STXBP3: variants seen among roughly 807,000 people sequenced by gnomAD.
The protein encoded by STXBP3 is syntaxin binding protein 3.
In STXBP3, 41 loss-of-function variants were observed where a neutral mutation model predicts 85.7. The observed-to-expected ratio is 0.48, with a 90% confidence interval of 0.37 to 0.62. The LOEUF (loss-of-function observed/expected upper bound fraction) is 0.62, where lower values mean the gene tolerates loss of function less well. STXBP3 is among the 20% of genes least tolerant of loss of function. The probability of loss-of-function intolerance (pLI) is 0.00; values close to 1 mark genes in which losing one functional copy is unlikely to be tolerated. For synonymous variants in STXBP3, 229 were observed against 231.7 expected (o/e 0.99, Z 0.10); for missense variants, 563 against 703.1 (o/e 0.80, Z 2.25).
intron 11 of STXBP3, among the ~76,000 whole-genome samples, chr1:108,785,241 A>C (rs916095355): frequency 1.3e-5 from 2 of 152,180 alleles, no homozygotes; most frequent in African/African-American, 4.8e-5. Context: ...CCCTGCAGCG[A>C]ACTCCGGCCT....
At chr1:108,753,282 TC>T (rs1661944670) in intron 3 of STXBP3, 138 bp downstream of exon 3, 8 of 520,042 alleles carry the variant, frequency 1.5e-5, no homozygotes, top group Non-Finnish European at 2.5e-5. Context: ...GATTTAACAT[TC>T]TTTTCTCTGA....
chr1:108,792,984 C>T (rs1045079445), intron 11 of STXBP3, among the ~76,000 whole-genome samples: 1 of 152,042 alleles, frequency 6.6e-6, no homozygotes, highest in Non-Finnish European at 1.5e-5. Flanking sequence ...CAACATTTAG[C>T]CACCCAGAAG....
intron 17 of STXBP3, among the ~76,000 whole-genome samples, chr1:108,806,438 T>C (rs1354961282): frequency 6.6e-6 from 1 of 152,148 alleles, no homozygotes; most frequent in Non-Finnish European, 1.5e-5. Flanking sequence ...ATGGTAAAAG[T>C]AATGACTACT....
chr1:108,795,991 G>A (rs1183724549), intron 13 of STXBP3, among the ~76,000 whole-genome samples: 3 of 151,986 alleles, frequency 2.0e-5, no homozygotes, highest in Non-Finnish European at 2.9e-5. Flanking sequence ...TCAGCCTCCC[G>A]AGTAGCTGGG....
chr1:108,787,766 T>C (rs545573587), intron 11 of STXBP3, among the ~76,000 whole-genome samples: 7 of 152,166 alleles, frequency 4.6e-5, no homozygotes, highest in African/African-American at 1.7e-4. Context: ...CAGGTTTTTA[T>C]GTGTTTCTGT....
chr1:108,802,311 C>T (rs1009542669), intron 17 of STXBP3, among the ~76,000 whole-genome samples: 4 of 152,120 alleles, frequency 2.6e-5, no homozygotes, highest in Non-Finnish European at 4.4e-5. Context: ...GCAGGAGAAT[C>T]GCTTGAACCT....
chr1:108,782,482 T>G lies in STXBP3; in HGVS notation c.870T>G (p.Val290=). 6.2e-7 allele frequency: 1 copy of G among 1,613,812 alleles called. No individual in the cohort carries two copies. Among genetic ancestry groups the G allele is most frequent in the South Asian group, 1.1e-5 (1 of 90,980 alleles). ...AILEEEDDLW[V]RIRHRHIAVV... ...TTGAAGAAGAAGATGACCTCTGGGT[T>G]AGAATTCGACATCGACATATTGCGG... The change falls in exon 10 of 19, where the codon GTT becomes GTG. Residue 290 remains valine (V), a synonymous_variant. Transcript: ENST00000370008.
At position 108,746,864 on chromosome 1, in the gene STXBP3, C is replaced by T. The variant is rs1045542939; in HGVS notation, c.49+78C>T. The T allele has an allele frequency of 2.1e-4, 313 of 1,481,040 alleles. 1 individual carries two copies. The highest frequency in any genetic ancestry group is 1.6e-3 in the Middle Eastern group (7 of 4,428). 91.7% of individuals were successfully genotyped at this position (1,481,040 alleles called of 1,614,324 possible). A position where few individuals can be genotyped will look rare whatever the true frequency, so the allele number is the denominator to read the frequency against. Reference sequence around the variant, plus strand: ...CCGGGCCTCGTTTTGCAGCCCCAACCCAGCGGTCTGTTGAGGAGCCGCCGC... The same window carrying T: ...CCGGGCCTCGTTTTGCAGCCCCAACTCAGCGGTCTGTTGAGGAGCCGCCGC... On this transcript the variant is annotated intron_variant, in intron 1 of 18. Coordinates refer to ENST00000370008, the MANE Select transcript of STXBP3 (RefSeq NM_007269.4).
intron 7 of STXBP3, among the ~76,000 whole-genome samples, chr1:108,773,189 T>A (rs1317902833): frequency 6.6e-6 from 1 of 152,206 alleles, no homozygotes; most frequent in Non-Finnish European, 1.5e-5. Context: ...TGTCAAAGTA[T>A]CTATAGTATC....
intron 11 of STXBP3, among the ~76,000 whole-genome samples, chr1:108,784,971 C>T (rs966806016): frequency 6.6e-6 from 1 of 152,182 alleles, no homozygotes; most frequent in Non-Finnish European, 1.5e-5. Context: ...TTCCCATGGC[C>T]CTAGGCAGCT....
chr1:108,770,038 C>G (rs1465723529), intron 6 of STXBP3, among the ~76,000 whole-genome samples: 1 of 152,070 alleles, frequency 6.6e-6, no homozygotes, highest in Non-Finnish European at 1.5e-5. Flanking sequence ...ATCTGTAATC[C>G]CAGGACTTTA....
chr1:108,803,797 T>G (rs1434982772), intron 17 of STXBP3, among the ~76,000 whole-genome samples: 1 of 152,222 alleles, frequency 6.6e-6, no homozygotes, highest in African/African-American at 2.4e-5. Context: ...GCGGTGGTAG[T>G]CTTTACAGTT....
intron 1 of STXBP3, among the ~76,000 whole-genome samples, chr1:108,746,994 C>T (rs1661798654): frequency 1.3e-5 from 2 of 152,182 alleles, no homozygotes; most frequent in Admixed American, 6.5e-5. Context: ...CGGGACGCGG[C>T]CTTCTCGTTG....
chr1:108,757,433 TTA>T (rs1365030373), intron 4 of STXBP3, among the ~76,000 whole-genome samples: 1 of 152,070 alleles, frequency 6.6e-6, no homozygotes, highest in Non-Finnish European at 1.5e-5. Flanking sequence ...TACACACTTT[TTA>T]GTCTCTACAT....
chr1:108,748,583 G>A (rs1029483669), intron 1 of STXBP3, among the ~76,000 whole-genome samples: 4 of 151,972 alleles, frequency 2.6e-5, no homozygotes, highest in African/African-American at 7.3e-5. Flanking sequence ...TGTAATTACA[G>A]CACTTTGGGA....
chr1:108,788,114 G>A (rs113767083), intron 11 of STXBP3, among the ~76,000 whole-genome samples: 3,898 of 152,088 alleles, frequency 0.026, 181 homozygotes, highest in African/African-American at 0.088. Context: ...CTTTTAATCA[G>A]GAAATTTCGA....
intron 13 of STXBP3, 36 bp downstream of exon 13, chr1:108,794,943 A>C (rs1663059503): frequency 1.3e-6 from 2 of 1,543,954 alleles, no homozygotes; most frequent in African/African-American, 2.7e-5. Context: ...TGTTCATAAC[A>C]AATTTCAAGG....
In STXBP3 at chr1:108,776,198, T is replaced by C. The variant is rs946143123; in HGVS notation, c.594-135T>C. 5 of 507,354 alleles carry C rather than the reference T, an allele frequency of 9.9e-6. No homozygotes were observed. In the South Asian group the frequency reaches 1.9e-4, roughly 19 times the overall value. 31.4% of individuals were successfully genotyped at this position (507,354 alleles called of 1,614,324 possible). A position where few individuals can be genotyped will look rare whatever the true frequency, so the allele number is the denominator to read the frequency against. The stretch of plus-strand genomic sequence containing the variant: ...TTATTTGATACATTATCTGAACTTT[T>C]ACATGTTTATAAAATAATTTTTCAT... On this transcript the variant is annotated intron_variant, in intron 7 of 18. Coordinates refer to ENST00000370008, the MANE Select transcript of STXBP3 (RefSeq NM_007269.4).
intron 18 of STXBP3, 70 bp from the exon 19 acceptor site, chr1:108,808,713 C>A: frequency 1.7e-6 from 2 of 1,205,822 alleles, no homozygotes; most frequent in Non-Finnish European, 2.4e-6. Flanking sequence ...TGAAGGACAA[C>A]ACATTATATT....
Sources: allele counts gnomAD v4.1 joint callset (sites outside exome capture counted in the v4.1 genomes callset), GRCh38; gene constraint gnomAD v4.1.1; transcripts MANE v1.5; gene names NCBI Gene and HGNC (gene_info 2026-07-23, HGNC 2026-07-21).